PRDX1: variants seen among roughly 807,000 people sequenced by gnomAD.
PRDX1 encodes peroxiredoxin 1.
A neutral mutation model predicts 20.7 loss-of-function variants in PRDX1; 19 were observed. The ratio of observed to expected loss-of-function variants is 0.92; its 90% CI spans 0.64 to 1.35. The LOEUF (loss-of-function observed/expected upper bound fraction) is 1.35, where lower values mean the gene tolerates loss of function less well. Among genes scored for constraint, PRDX1 ranks in the 40% most tolerant of loss-of-function variants. PRDX1 has a pLI of 0.00. For missense variants in PRDX1, 226 were observed against 240.0 expected (o/e 0.94, Z 0.38); for synonymous variants, 89 against 83.9 (o/e 1.06, Z -0.33).
chr1:45,512,013 A>G (rs2065708), intron 5 of PRDX1: 26,967 of 151,082 alleles, frequency 0.18, 2,704 homozygotes, highest in Non-Finnish European at 0.23. Flanking sequence ...ATGCCTAAGA[A>G]TGTGCCTCAG....
In PRDX1 at chr1:45,514,914, C is replaced by G; in HGVS notation, c.342G>C (p.Gln114His). 6.2e-7 allele frequency: 1 copy of G among 1,614,202 alleles called. No individual in the cohort carries two copies. Among genetic ancestry groups the G allele is most frequent in the South Asian group, 1.1e-5 (1 of 91,092 alleles). ...LVSDPKRTIA[Q>H]DYGVLKADEG... ...CATCAGCCTTTAAGACCCCATAATCCTGAGCAATGGTGCGCTTCGGGTCTG... is the reference window on the plus strand; with the variant it reads ...CATCAGCCTTTAAGACCCCATAATCGTGAGCAATGGTGCGCTTCGGGTCTG... Residue 114 changes from glutamine (Q) to histidine (H), a missense_variant, in exon 4 of 6, where the codon CAG (glutamine) becomes CAC (histidine). By Grantham distance (24) the Gln-to-His change is conservative. Coordinates refer to ENST00000319248, the MANE Select transcript of PRDX1 (RefSeq NM_181697.3).
chr1:45,511,271 G>C lies in PRDX1; in HGVS notation c.*58C>G. ...TTTACTAATGGAAAAAAAAAATACA[G>C]AAGAGGTTTTGTTCTCATGGCTGCC... On this transcript the variant is annotated 3_prime_UTR_variant, in exon 6 of 6. Coordinates refer to ENST00000319248, the MANE Select transcript of PRDX1 (RefSeq NM_181697.3). 2 of 1,360,246 alleles carry C rather than the reference G, an allele frequency of 1.5e-6. No homozygotes were observed. Among genetic ancestry groups the C allele is most frequent in the South Asian group, 2.7e-5 (2 of 73,724 alleles). The allele number at this position is 1,360,246 out of a possible 1,614,324, so 84.3% of individuals were successfully genotyped here. A position where few individuals can be genotyped will look rare whatever the true frequency, so the allele number is the denominator to read the frequency against.
At chr1:45,513,526 G>A (rs2149326834) in intron 5 of PRDX1, 1 of 152,466 alleles carries the variant, frequency 6.6e-6, no homozygotes, top group Middle Eastern at 3.4e-3. Flanking sequence ...GGAAAAGAGA[G>A]ATCAGATTGT....
rs764449725 is a variant in PRDX1, at chr1:45,518,950, A to G, written c.94T>C (p.Ser32Pro). The G allele has an allele frequency of 2.5e-6, 4 of 1,600,484 alleles. No homozygotes were observed. Among genetic ancestry groups the G allele is most frequent in the African/African-American group, 1.3e-5 (1 of 74,416 alleles). Residue 32 changes from serine to proline, a missense_variant, in exon 2 of 6, where the codon TCT becomes CCT. Transcript: ENST00000319248. ...PDGQFKDISL[S>P]DYKGKYVVFF... ...TTAATTCTCTCACCTTTGTAGTCAG[A>G]CAGGCTGATATCTTTAAACTGACCA...
chr1:45,518,460 T>C (rs1192912157), intron 2 of PRDX1, among the ~76,000 whole-genome samples: 26 of 48,984 alleles, frequency 5.3e-4, no homozygotes, highest in Middle Eastern at 0.017. Flanking sequence ...AGAGCAAAAC[T>C]CCATCTCAAA....
chr1:45,521,287 T>C (rs1339902055), intron 1 of PRDX1, among the ~76,000 whole-genome samples: 2 of 152,114 alleles, frequency 1.3e-5, no homozygotes, highest in African/African-American at 4.8e-5. Context: ...TCCCCAGCAC[T>C]GGAGAAAGCA....
In PRDX1 at chr1:45,511,413, C is replaced by T. The variant is rs1643741458; in HGVS notation, c.516G>A (p.Val172=). The change falls in exon 6 of 6, where the codon GTG becomes GTA. Residue 172 remains valine, a splice_region_variant and synonymous_variant. Coordinates refer to ENST00000319248, the MANE Select transcript of PRDX1 (RefSeq NM_181697.3). Reference sequence around the variant, plus strand: ...TGCCAGGTTTCCAGCCAGCTGGGCACACTGCAAGAGAAAGGCACCACTAAT... The same window carrying T: ...TGCCAGGTTTCCAGCCAGCTGGGCATACTGCAAGAGAAAGGCACCACTAAT... The part of the protein sequence containing the change: ...AFQFTDKHGE[V]CPAGWKPGSD... 1 of 1,612,326 alleles carries T rather than the reference C, an allele frequency of 6.2e-7. No individual in the cohort carries two copies. The highest frequency in any genetic ancestry group is 8.5e-7 in the Non-Finnish European group (1 of 1,179,194).
In PRDX1 at chr1:45,511,282, G is replaced by T; in HGVS notation, c.*47C>A. 3 of 1,444,406 alleles carry T rather than the reference G, an allele frequency of 2.1e-6. No homozygotes were observed. The highest frequency in any genetic ancestry group is 2.8e-6 in the Non-Finnish European group (3 of 1,056,638). The allele number at this position is 1,444,406 out of a possible 1,614,324, so 89.5% of individuals were successfully genotyped here. A position where few individuals can be genotyped will look rare whatever the true frequency, so the allele number is the denominator to read the frequency against. On this transcript the variant is annotated 3_prime_UTR_variant, in exon 6 of 6. Coordinates refer to ENST00000319248, the MANE Select transcript of PRDX1 (RefSeq NM_181697.3). Reference sequence around the variant, plus strand: ...AAAAAAAAAATACAGAAGAGGTTTTGTTCTCATGGCTGCCCACCGCAGCCT... The same window carrying T: ...AAAAAAAAAATACAGAAGAGGTTTTTTTCTCATGGCTGCCCACCGCAGCCT...
upstream of PRDX1, among the ~76,000 whole-genome samples, chr1:45,522,124 C>T (rs917654404): frequency 6.6e-6 from 1 of 152,190 alleles, no homozygotes; most frequent in African/African-American, 2.4e-5. Flanking sequence ...CGCTCCCGAA[C>T]CCGAACGCTT....
At chr1:45,516,977 T>C (rs1286774449) in intron 2 of PRDX1, among the ~76,000 whole-genome samples, 1 of 145,080 alleles carries the variant, frequency 6.9e-6, no homozygotes, top group Non-Finnish European at 1.5e-5. Context: ...CCTGAGATCA[T>C]GCCACTGCAC....
intron 1 of PRDX1, among the ~76,000 whole-genome samples, chr1:45,521,229 GC>G (rs1008571889): frequency 1.3e-5 from 2 of 152,180 alleles, no homozygotes; most frequent in African/African-American, 4.8e-5. Flanking sequence ...GATCTGCCCA[GC>G]GTAGAGGGCC....
At chr1:45,516,764 G>A (rs1299447796) in intron 2 of PRDX1, among the ~76,000 whole-genome samples, 1 of 151,998 alleles carries the variant, frequency 6.6e-6, no homozygotes, top group Non-Finnish European at 1.5e-5. Flanking sequence ...AATCCCAGCA[G>A]TTTGGGAGGC....
chr1:45,514,455 C>T (rs1054096559), intron 5 of PRDX1, 52 bp downstream of exon 5: 2 of 1,603,500 alleles, frequency 1.2e-6, no homozygotes, highest in Non-Finnish European at 8.5e-7. Flanking sequence ...AAGGGGCAAC[C>T]CACCCCTTCA....
chr1:45,515,411 A>G (rs1643839715), intron 3 of PRDX1, among the ~76,000 whole-genome samples: 1 of 151,996 alleles, frequency 6.6e-6, no homozygotes, highest in Non-Finnish European at 1.5e-5. Flanking sequence ...CATCCTGACT[A>G]ACACGGTGAA....
chr1:45,515,516 G>A (rs1557613715), intron 3 of PRDX1, 138 bp downstream of exon 3: 14 of 895,310 alleles, frequency 1.6e-5, no homozygotes, highest in South Asian at 1.1e-4. Flanking sequence ...GGAGAATGGC[G>A]TGAAACTGGG....
chr1:45,520,555 T>C lies in PRDX1; in HGVS notation c.-12+1274A>G, dbSNP rs556819289. 1.9e-3 allele frequency among the ~76,000 whole-genome samples: 292 copies of C among 151,884 alleles called. 1 individual carries two copies. The highest frequency in any genetic ancestry group is 6.5e-3 in the African/African-American group (271 of 41,412). On this transcript the variant is annotated intron_variant, in intron 1 of 5. Transcript: ENST00000319248. The stretch of plus-strand genomic sequence containing the variant: ...CTGGCCATCATAGTGAAACCCCGTC[T>C]CTAACAAAAATACAAAAAATTAGCC...
At chr1:45,520,595 G>A (rs1429631290) in intron 1 of PRDX1, among the ~76,000 whole-genome samples, 2 of 151,238 alleles carry the variant, frequency 1.3e-5, no homozygotes, top group African/African-American at 4.9e-5. Flanking sequence ...GTGGTGGCAC[G>A]CGCCTGCAGT....
Position 45,514,920 on chromosome 1 carries a change from A to C in PRDX1, c.336T>G (p.Ile112Met). Residue 112 changes from isoleucine to methionine, a missense_variant, in exon 4 of 6, where the codon ATT (isoleucine) becomes ATG (methionine). Transcript: ENST00000319248. The part of the protein sequence containing the change: ...IPLVSDPKRT[I>M]AQDYGVLKAD... ...CCTTTAAGACCCCATAATCCTGAGC[A>C]ATGGTGCGCTTCGGGTCTGATACCA... 1 of 1,614,170 alleles carries C rather than the reference A, an allele frequency of 6.2e-7. No individual in the cohort carries two copies. Among genetic ancestry groups the C allele is most frequent in the Non-Finnish European group, 8.5e-7 (1 of 1,180,022 alleles).
rs59260423 is a variant in PRDX1 at position 45,520,205 on chromosome 1, CAAAAAAAAAA to C, written c.-11-1161_-11-1152del. Among the ~76,000 whole-genome samples the C allele has an allele frequency of 8.8e-5, 8 of 91,034 alleles. No individual in the cohort carries two copies. In the South Asian group the frequency reaches 1.8e-3, roughly 20 times the overall value. The allele number at this position is 91,034 out of a possible 152,430, so 59.7% of individuals were successfully genotyped here. On this transcript the variant is annotated intron_variant, in intron 1 of 5. Coordinates refer to ENST00000319248, the MANE Select transcript of PRDX1 (RefSeq NM_181697.3). ...GGGCAACAGAGTGAGACTCTGTCTC[CAAAAAAAAAA>C]AAAAAAAAAAGAGGCAAGACCAAGA...
Sources: allele counts gnomAD v4.1 joint callset (sites outside exome capture counted in the v4.1 genomes callset), GRCh38; gene constraint gnomAD v4.1.1; transcripts MANE v1.5; gene names NCBI Gene and HGNC (gene_info 2026-07-23, HGNC 2026-07-21).